Variants in LCORL observed in about 807,000 individuals in gnomAD.
The protein encoded by LCORL is ligand dependent nuclear receptor corepressor like, also known as ligand-dependent nuclear receptor corepressor-like protein.
Under a neutral mutation model 141.8 loss-of-function variants are expected in LCORL, and 41 were observed. That is an observed-to-expected ratio of 0.29 (90% CI 0.23 to 0.38). LCORL has a LOEUF of 0.38. Ranked by LOEUF, LCORL falls within the 10% of genes least tolerant of loss-of-function variation. LCORL has a pLI of 1.00. For synonymous variants in LCORL, 618 were observed against 694.1 expected (o/e 0.89, Z 1.72); for missense variants, 1,759 against 2,035.0 (o/e 0.86, Z 2.61).
intron 5 of LCORL, among the ~76,000 whole-genome samples, chr4:17,908,756 G>A (rs999297726): frequency 1.1e-4 from 17 of 151,882 alleles, no homozygotes; most frequent in African/African-American, 3.4e-4. Flanking sequence ...AAACGAACAA[G>A]CAAGTGCTTA....
chr4:17,905,059 C>T (rs1731401738), intron 5 of LCORL, among the ~76,000 whole-genome samples: 2 of 152,186 alleles, frequency 1.3e-5, no homozygotes, highest in South Asian at 4.1e-4. Flanking sequence ...CCATTTCATT[C>T]TTAGGCATTT....
At position 18,008,622 on chromosome 4, in the gene LCORL, A is replaced by G. The variant is rs561268343; in HGVS notation, c.154+12976T>C. Among the ~76,000 whole-genome samples the G allele has an allele frequency of 9.2e-5, 14 of 152,318 alleles. No homozygotes were observed. In the South Asian group the frequency reaches 2.9e-3, roughly 32 times the overall value. On this transcript the variant is annotated intron_variant, in intron 1 of 7. Transcript: ENST00000635767. ...AAGCCTGAATTTTCTCATTTGTAAAATGAAGATAAAAATTGTACTATTTCA... is the reference window on the plus strand; with the variant it reads ...AAGCCTGAATTTTCTCATTTGTAAAGTGAAGATAAAAATTGTACTATTTCA...
chr4:17,996,168 T>C (rs890949936), intron 1 of LCORL, among the ~76,000 whole-genome samples: 6 of 152,080 alleles, frequency 3.9e-5, no homozygotes, highest in Non-Finnish European at 7.4e-5. Flanking sequence ...TCAGGAGATA[T>C]ATTCCAACCA....
chr4:18,007,372 A>G (rs907698492), intron 1 of LCORL, among the ~76,000 whole-genome samples: 1 of 152,210 alleles, frequency 6.6e-6, no homozygotes, highest in Non-Finnish European at 1.5e-5. Context: ...ATGTTTCTTC[A>G]TGATTCAATT....
chr4:18,014,983 T>C lies in LCORL; in HGVS notation c.154+6615A>G, dbSNP rs1485537971. Among the ~76,000 whole-genome samples, 5 of 152,194 alleles carry C rather than the reference T, an allele frequency of 3.3e-5. No individual in the cohort carries two copies. The East Asian group carries it at 9.6e-4, about 29-fold the overall frequency. ...ATCAGCCATGAATGCTAGTTATATA[T>C]ACCAAAAGGAAGGAATACTACTAAA... On this transcript the variant is annotated intron_variant, in intron 1 of 7. Transcript: ENST00000635767.
At chr4:17,987,930 T>C (rs1719290064) in intron 1 of LCORL, among the ~76,000 whole-genome samples, 1 of 152,168 alleles carries the variant, frequency 6.6e-6, no homozygotes, top group Admixed American at 6.5e-5. Flanking sequence ...AGCCTGTGGA[T>C]TGTCTTTTTC....
chr4:17,959,547 A>G (rs1043230602), intron 4 of LCORL, among the ~76,000 whole-genome samples: 1 of 152,114 alleles, frequency 6.6e-6, no homozygotes, highest in African/African-American at 2.4e-5. Context: ...ACAACTGATG[A>G]TATCAATCAT....
At position 17,940,172 on chromosome 4, in the gene LCORL, G is replaced by GTATA. The variant is rs34121096; in HGVS notation, c.430+21727_430+21730dup. Among the ~76,000 whole-genome samples the GTATA allele has an allele frequency of 2.8e-5, 4 of 143,032 alleles. No individual in the cohort carries two copies. The East Asian group carries it at 6.0e-4, about 22-fold the overall frequency. 93.8% of individuals were successfully genotyped at this position (143,032 alleles called of 152,430 possible). A position where few individuals can be genotyped will look rare whatever the true frequency, so the allele number is the denominator to read the frequency against. On this transcript the variant is annotated intron_variant, in intron 4 of 7. Coordinates refer to ENST00000635767, the Ensembl canonical transcript of LCORL. ...TATATATGTATATATATGTATACATGTATATATATATATATACACACACAC... is the reference window on the plus strand; with the variant it reads ...TATATATGTATATATATGTATACATGTATATATATATATATATATACACACACAC...
intron 5 of LCORL, among the ~76,000 whole-genome samples, chr4:17,888,625 C>T (rs2109237026): frequency 6.6e-6 from 1 of 152,248 alleles, no homozygotes; most frequent in Middle Eastern, 3.4e-3. Context: ...ACTTATGAAA[C>T]TATCATGCAA....
chr4:17,877,945 A>T, exon 7 of LCORL: 1 of 1,230,662 alleles, frequency 8.1e-7, no homozygotes, highest in Non-Finnish European at 1.0e-6. Context: ...TCGTTTTGTA[A>T]ACAACCTCTT....
intron 1 of LCORL, among the ~76,000 whole-genome samples, chr4:18,014,272 AC>A (rs1258471959): frequency 3.9e-5 from 6 of 152,164 alleles, no homozygotes; most frequent in Admixed American, 3.9e-4. Context: ...GTAAACTATG[AC>A]CAACTAGATA....
In LCORL at chr4:17,943,970, T is replaced by C. The variant is rs542660792; in HGVS notation, c.430+17933A>G. On this transcript the variant is annotated intron_variant, in intron 4 of 7. Coordinates refer to ENST00000635767, the Ensembl canonical transcript of LCORL. ...ATGTCCTACCATAGCTTAATGAAGCTACCCACCCTAGGTGGTTTTCCTCAA... is the reference window on the plus strand; with the variant it reads ...ATGTCCTACCATAGCTTAATGAAGCCACCCACCCTAGGTGGTTTTCCTCAA... Among the ~76,000 whole-genome samples the C allele has an allele frequency of 2.0e-5, 3 of 152,334 alleles. No homozygotes were observed. In the South Asian group the frequency reaches 6.2e-4, roughly 32 times the overall value.
At chr4:17,932,688 G>C (rs900584415) in intron 4 of LCORL, among the ~76,000 whole-genome samples, 1 of 152,234 alleles carries the variant, frequency 6.6e-6, no homozygotes, top group South Asian at 2.1e-4. Flanking sequence ...ACTTTTTGTA[G>C]ATAAAGTTTT....
chr4:17,875,631 C>T (rs1460013865), exon 7 of LCORL: 1 of 1,231,248 alleles, frequency 8.1e-7, no homozygotes, highest in Admixed American at 4.2e-5. Context: ...GCTTTTCCTT[C>T]CAGCACTAAA....
intron 1 of LCORL, among the ~76,000 whole-genome samples, chr4:17,981,468 T>A (rs1717973913): frequency 6.6e-6 from 1 of 152,148 alleles, no homozygotes; most frequent in African/African-American, 2.4e-5. Context: ...ACTTTCAGAT[T>A]TCCTTCAGCC....
intron 4 of LCORL, among the ~76,000 whole-genome samples, chr4:17,924,798 T>C (rs568718530): frequency 9.2e-5 from 14 of 152,192 alleles, no homozygotes; most frequent in African/African-American, 1.2e-4. Context: ...GCTGGATTGA[T>C]AGAATGGTAG....
chr4:18,006,609 A>G (rs2610990), intron 1 of LCORL, among the ~76,000 whole-genome samples: 110,850 of 152,128 alleles, frequency 0.73, 40,628 homozygotes, highest in South Asian at 0.85. Context: ...CATAGTGGAA[A>G]GTGAAAGGCA....
chr4:17,874,024 C>G (rs562303072), exon 7 of LCORL: 1 of 1,234,178 alleles, frequency 8.1e-7, no homozygotes, highest in African/African-American at 1.5e-5. Context: ...TGATTATCTA[C>G]TATGCTTTTT....
chr4:17,881,797 A>G, intron 6 of LCORL: 2 of 981,992 alleles, frequency 2.0e-6, no homozygotes, highest in Non-Finnish European at 1.2e-6. Context: ...CTGTATAAAG[A>G]GGTCAATAAA....
Sources: gnomAD v4.1 joint callset for allele counts (sites outside exome capture counted in the v4.1 genomes callset) on GRCh38, gnomAD v4.1.1 for gene constraint, MANE v1.5 for transcripts, NCBI Gene and HGNC (gene_info 2026-07-23, HGNC 2026-07-21) for gene names.